Variants in ZNF750 observed in about 807,000 individuals in gnomAD.
The protein encoded by ZNF750 is zinc finger protein 750.
A neutral mutation model predicts 31.6 loss-of-function variants in ZNF750; 10 were observed. The ratio of observed to expected loss-of-function variants is 0.32; its 90% CI spans 0.19 to 0.54. The LOEUF (loss-of-function observed/expected upper bound fraction) is 0.54, where lower values mean the gene tolerates loss of function less well. ZNF750 is among the 20% of genes least tolerant of loss of function. The probability of loss-of-function intolerance (pLI) is 0.95; values close to 1 mark genes in which losing one functional copy is unlikely to be tolerated. For missense variants in ZNF750, 914 were observed against 934.9 expected (o/e 0.98, Z 0.29); for synonymous variants, 400 against 404.9 (o/e 0.99, Z 0.15).
At position 82,830,638 on chromosome 17, in the gene ZNF750, C is replaced by T. The variant is rs779535859; in HGVS notation, c.1676G>A (p.Cys559Tyr). 5.6e-6 allele frequency: 9 copies of T among 1,613,902 alleles called. No individual in the cohort carries two copies. Among genetic ancestry groups the T allele is most frequent in the South Asian group, 1.1e-5 (1 of 91,074 alleles). ...LPLNLSVKDP[C>Y]NTQAPRPAFP... ...GGCAGGCCTCGGAGCCTGGGTGTTA[C>T]AGGGGTCCTTCACCGAGAGATTGAG... The change falls in exon 3 of 3, where the codon TGT becomes TAT. Residue 559 changes from cysteine to tyrosine, a missense_variant. By Grantham distance (194) the Cys-to-Tyr change is radical (BLOSUM62 -2). Transcript: ENST00000269394.
rs761985045 is a variant in ZNF750 at position 82,831,288 on chromosome 17, C to T, written c.1167G>A (p.Lys389=). 5.6e-6 allele frequency: 9 copies of T among 1,613,928 alleles called. No homozygotes were observed. The East Asian group carries it at 2.0e-4, about 36-fold the overall frequency. The change falls in exon 2 of 3, where the codon AAG becomes AAA. Residue 389 remains lysine (K), a synonymous_variant. Transcript: ENST00000269394. The surrounding 1 kb of genome is among the most constrained non-coding windows in gnomAD (Gnocchi z 4.6). The part of the protein sequence containing the change: ...SPIPEAKDSS[K]AGQRDTEGSK... Reference sequence around the variant, plus strand: ...ACCCTTCCGTGTCTCTCTGCCCAGCCTTGGAGGAGTCTTTAGCCTCAGGAA... The same window carrying T: ...ACCCTTCCGTGTCTCTCTGCCCAGCTTTGGAGGAGTCTTTAGCCTCAGGAA...
At chr17:82,838,861 A>G (rs2054212268) in intron 1 of ZNF750, 18 of 985,458 alleles carry the variant, frequency 1.8e-5, no homozygotes, top group Non-Finnish European at 2.0e-5. Flanking sequence ...ACCACTTTAC[A>G]GTCGCCGCCT....
Position 82,832,342 on chromosome 17 carries a change from G to A in ZNF750, c.113C>T (p.Ser38Leu), listed in dbSNP as rs1207137194. The change falls in exon 2 of 3, where the codon TCA becomes TTA. Residue 38 changes from serine (S) to leucine (L), a missense_variant. Physicochemically the swap from Ser to Leu is moderately radical, Grantham distance 145. Transcript: ENST00000269394. The surrounding 1 kb of genome is among the most constrained non-coding windows in gnomAD (Gnocchi z 4.9). ...FQCPFTCNEK[S>L]HLFNHMKYGL... ...ATACTTCATGTGATTAAAAAGATGT[G>A]ACTTCTCATTGCAAGTAAAGGGACA... The A allele has an allele frequency of 1.2e-6, 2 of 1,614,102 alleles. No homozygotes were observed. Among genetic ancestry groups the A allele is most frequent in the Non-Finnish European group, 1.7e-6 (2 of 1,180,042 alleles).
Position 82,831,827 on chromosome 17 carries a change from C to T in ZNF750, c.628G>A (p.Gly210Ser), listed in dbSNP as rs371325073. Residue 210 changes from glycine to serine, a missense_variant, in exon 2 of 3, where the codon GGC becomes AGC. This residue lies in a region of ZNF750 where 880 missense variants were observed against 868.9 expected (regional missense o/e 1.01). Coordinates refer to ENST00000269394, the MANE Select transcript of ZNF750 (RefSeq NM_024702.3). This position sits in a 1 kb window ranked among gnomAD's most constrained non-coding sequence, Gnocchi z 4.6. ...AACTCTGGTGGAAGGAAAGGTGAGC[C>T]GGCTTTCCAGGGGTAGCCAGGAGTG... ...FHTPGYPWKA[G>S]SPFLPPEFPH... is the part of the protein sequence containing the mutation. 56 of 1,614,016 alleles carry T rather than the reference C, an allele frequency of 3.5e-5. No individual in the cohort carries two copies. The highest frequency in any genetic ancestry group is 2.7e-4 in the East Asian group (12 of 44,894).
rs114127721 is a variant in ZNF750 at position 82,833,323 on chromosome 17, G to A, written c.-182-687C>T. Among the ~76,000 whole-genome samples the A allele has an allele frequency of 0.01, 1,547 of 152,176 alleles. 33 individuals are homozygous for A. Among genetic ancestry groups the A allele is most frequent in the African/African-American group, 0.035 (1,434 of 41,504 alleles). On this transcript the variant is annotated intron_variant, in intron 1 of 2. Transcript: ENST00000269394. This position sits in a 1 kb window ranked among gnomAD's most constrained non-coding sequence, Gnocchi z 4.7. ...GGATGCTGCTGCCTCCCCTGGGGCC[G>A]ATCCCTAAGCACTCGTGGCAGTTTC...
In ZNF750 at chr17:82,831,525, T is replaced by G; in HGVS notation, c.930A>C (p.Gln310His). 2 of 1,614,062 alleles carry G rather than the reference T, an allele frequency of 1.2e-6. No homozygotes were observed. Among genetic ancestry groups the G allele is most frequent in the Non-Finnish European group, 1.7e-6 (2 of 1,179,998 alleles). ...AAGGAATCGGCAGGTTAGAGGGATA[T>G]TGCTGGAAAAACCTGTAGTGATCGT... Reference protein sequence around the residue: ...ATYDHYRFFQQYPSNLPIPYG... With the variant: ...ATYDHYRFFQHYPSNLPIPYG... Residue 310 changes from glutamine (Q) to histidine (H), a missense_variant, in exon 2 of 3, where the codon CAA (glutamine) becomes CAC (histidine). Gln to His is a conservative substitution (Grantham distance 24). Around this residue, in one of 2 missense-constraint regions of ZNF750, gnomAD observed 880 missense variants for 868.9 expected, o/e 1.01. Coordinates refer to ENST00000269394, the MANE Select transcript of ZNF750 (RefSeq NM_024702.3). This position sits in a 1 kb window ranked among gnomAD's most constrained non-coding sequence, Gnocchi z 4.6.
At position 82,830,408 on chromosome 17, in the gene ZNF750, C is replaced by T. The variant is rs757314791; in HGVS notation, c.1906G>A (p.Val636Met). 18 of 1,611,696 alleles carry T rather than the reference C, an allele frequency of 1.1e-5. No homozygotes were observed. The highest frequency in any genetic ancestry group is 9.9e-5 in the South Asian group (9 of 91,074). ...SSEEQKQTAA[V>M]ALCQLAAYSP... The stretch of plus-strand genomic sequence containing the variant: ...TAGGCCGCCAGCTGGCACAGGGCCA[C>T]GGCTGCCGTCTGCTTCTGCTCCTCG... Residue 636 changes from valine (V) to methionine (M), a missense_variant, in exon 3 of 3, where the codon GTG (valine) becomes ATG (methionine). By Grantham distance (21) the Val-to-Met change is conservative. Around this residue, in one of 2 missense-constraint regions of ZNF750, gnomAD observed 880 missense variants for 868.9 expected, o/e 1.01. Coordinates refer to ENST00000269394, the MANE Select transcript of ZNF750 (RefSeq NM_024702.3).
Position 82,831,510 on chromosome 17 carries a change from C to T in ZNF750, c.945G>A (p.Leu315=). 2 of 1,614,066 alleles carry T rather than the reference C, an allele frequency of 1.2e-6. No homozygotes were observed. The highest frequency in any genetic ancestry group is 2.2e-5 in the South Asian group (2 of 91,072). The change falls in exon 2 of 3, where the codon CTG becomes CTA. Residue 315 remains leucine, a synonymous_variant. Coordinates refer to ENST00000269394, the MANE Select transcript of ZNF750 (RefSeq NM_024702.3). The surrounding 1 kb of genome is among the most constrained non-coding windows in gnomAD (Gnocchi z 4.6). The part of the protein sequence containing the change: ...YRFFQQYPSN[L]PIPYGFYRPE... The stretch of plus-strand genomic sequence containing the variant: ...GCCTGTAAAATCCGTAAGGAATCGG[C>T]AGGTTAGAGGGATATTGCTGGAAAA...
intron 1 of ZNF750, chr17:82,839,035 CTA>C: frequency 1.1e-6 from 1 of 939,670 alleles, no homozygotes; most frequent in Non-Finnish European, 1.3e-6. Flanking sequence ...GTATCTGTGT[CTA>C]TATGTACAGA....
rs1368670979 is a variant in ZNF750, at chr17:82,832,893, G to C, written c.-182-257C>G. ...AGTCACCTCGGGGCCTAGAGGTGGA[G>C]TGTGGTGTGTGGTGCGTTGAGTGTC... On this transcript the variant is annotated intron_variant, in intron 1 of 2. Coordinates refer to ENST00000269394, the MANE Select transcript of ZNF750 (RefSeq NM_024702.3). The surrounding 1 kb of genome is among the most constrained non-coding windows in gnomAD (Gnocchi z 4.9). Among the ~76,000 whole-genome samples the C allele has an allele frequency of 1.3e-5, 2 of 152,216 alleles. No homozygotes were observed. Among genetic ancestry groups the C allele is most frequent in the Non-Finnish European group, 1.5e-5 (1 of 68,036 alleles).
In ZNF750 at chr17:82,833,196, C is replaced by T. The variant is rs2145298633; in HGVS notation, c.-182-560G>A. Among the ~76,000 whole-genome samples, 1 of 152,194 alleles carries T rather than the reference C, an allele frequency of 6.6e-6. No individual in the cohort carries two copies. Among genetic ancestry groups the T allele is most frequent in the East Asian group, 1.9e-4 (1 of 5,152 alleles). ...TCACAGAGTGCCCCTCACTTTTACA[C>T]AGAGCGTGGGCTGGCCACCGTCTAC... On this transcript the variant is annotated intron_variant, in intron 1 of 2. Transcript: ENST00000269394. The surrounding 1 kb of genome is among the most constrained non-coding windows in gnomAD (Gnocchi z 4.7).
At chr17:82,834,684 AG>A (rs2053815908) in intron 1 of ZNF750, among the ~76,000 whole-genome samples, 1 of 135,348 alleles carries the variant, frequency 7.4e-6, no homozygotes, top group Non-Finnish European at 1.6e-5. Flanking sequence ...ACATGGACAC[AG>A]GGAGGGGAAC....
In ZNF750 at chr17:82,833,146, G is replaced by A. The variant is rs2053665443; in HGVS notation, c.-182-510C>T. ...GTGAAATACGAAGGGGTTTGTGGCT[G>A]TTTCCCCTTAACATGTACCCACAGT... On this transcript the variant is annotated intron_variant, in intron 1 of 2. Transcript: ENST00000269394. This position sits in a 1 kb window ranked among gnomAD's most constrained non-coding sequence, Gnocchi z 4.7. Among the ~76,000 whole-genome samples the A allele has an allele frequency of 6.6e-6, 1 of 152,062 alleles. No individual in the cohort carries two copies. Among genetic ancestry groups the A allele is most frequent in the Non-Finnish European group, 1.5e-5 (1 of 68,020 alleles).
chr17:82,830,371 T>C lies in ZNF750; in HGVS notation c.1943A>G (p.Asn648Ser). 6.2e-7 allele frequency: 1 copy of C among 1,613,046 alleles called. No individual in the cohort carries two copies. Residue 648 changes from asparagine (N) to serine (S), a missense_variant, in exon 3 of 3, where the codon AAC (asparagine) becomes AGC (serine). This residue lies in a region of ZNF750 where 880 missense variants were observed against 868.9 expected (regional missense o/e 1.01). Coordinates refer to ENST00000269394, the MANE Select transcript of ZNF750 (RefSeq NM_024702.3). ...AGCATCCCCATCGCCCACCCGGATG[T>C]TCCTGGGGCTGTAGGCCGCCAGCTG... is the stretch of plus-strand genomic sequence containing the variant. The part of the protein sequence containing the change: ...LCQLAAYSPR[N>S]IRVGDGDAAA...
intron 1 of ZNF750, among the ~76,000 whole-genome samples, chr17:82,836,227 C>T (rs2053960481): frequency 2.0e-5 from 3 of 152,384 alleles, no homozygotes; most frequent in South Asian, 4.1e-4. Context: ...TCCAGCCAAA[C>T]GCTGGGCCAG....
In ZNF750 at chr17:82,830,578, G is replaced by C; in HGVS notation, c.1736C>G (p.Ala579Gly). Residue 579 changes from alanine (A) to glycine (G), a missense_variant, in exon 3 of 3, where the codon GCT becomes GGT. This residue lies in a region of ZNF750 where 880 missense variants were observed against 868.9 expected (regional missense o/e 1.01). Coordinates refer to ENST00000269394, the MANE Select transcript of ZNF750 (RefSeq NM_024702.3). ...PGRPRAAEPA[A>G]AVPQKTGTEG... ...TGTCCCAGTCTTCTGTGGAACAGCA[G>C]CAGCAGGTTCTGCAGCTCGTGGTCG... 6.2e-7 allele frequency: 1 copy of C among 1,614,096 alleles called. No individual in the cohort carries two copies.
intron 1 of ZNF750, among the ~76,000 whole-genome samples, chr17:82,838,357 A>G (rs1433414378): frequency 1.3e-5 from 2 of 151,914 alleles, no homozygotes; most frequent in Non-Finnish European, 2.9e-5. Flanking sequence ...CTTTGATAGG[A>G]CACAGCGGAA....
Position 82,830,744 on chromosome 17 carries a change from G to A in ZNF750, c.1570C>T (p.Leu524=), listed in dbSNP as rs778663262. The change falls in exon 3 of 3, where the codon CTG becomes TTG. Residue 524 remains leucine (L), a synonymous_variant. Transcript: ENST00000269394. ...LNLSKKSEIN[L]AATHEPTYQG... is the part of the protein sequence containing the mutation. ...TACGTGGGTTCGTGGGTGGCTGCCA[G>A]GTTTATCTCTGATTTCTTGGAGAGG... The A allele has an allele frequency of 6.2e-7, 1 of 1,613,934 alleles. No homozygotes were observed. Among genetic ancestry groups the A allele is most frequent in the Non-Finnish European group, 8.5e-7 (1 of 1,180,050 alleles).
rs35792712 is a variant in ZNF750 at position 82,830,850 on chromosome 17, A to C, written c.1464T>G (p.Pro488=). ...CGAGAGAGGCGCTTCCGGTCGGAGCAGGAGGGTCTCCGTTCACAACATTGA... is the reference window on the plus strand; with the variant it reads ...CGAGAGAGGCGCTTCCGGTCGGAGCCGGAGGGTCTCCGTTCACAACATTGA... ...VSLNVVNGDP[P]APTGSASLVS... is the part of the protein sequence containing the mutation. Residue 488 remains proline (P), a synonymous_variant, in exon 3 of 3, where the codon CCT becomes CCG. Transcript: ENST00000269394. 3,697 of 1,613,060 alleles carry C rather than the reference A, an allele frequency of 2.3e-3. 72 individuals carry two copies. In the African/African-American group the frequency reaches 0.041, roughly 18 times the overall value.
Sources: gnomAD v4.1 joint callset for allele counts (sites outside exome capture counted in the v4.1 genomes callset) on GRCh38, gnomAD v4.1.1 for gene constraint, gnomAD v4.1.1 regional missense constraint, Gnocchi (gnomAD v3.1) non-coding constraint, MANE v1.5 for transcripts, NCBI Gene and HGNC (gene_info 2026-07-23, HGNC 2026-07-21) for gene names.